AP4E1: variants seen among roughly 807,000 people sequenced by gnomAD.
AP4E1 encodes the protein adaptor related protein complex 4 subunit epsilon 1.
In AP4E1, 56 loss-of-function variants were observed where a neutral mutation model predicts 128.2. The ratio of observed to expected loss-of-function variants is 0.44; its 90% CI spans 0.35 to 0.55. AP4E1 has a LOEUF of 0.55. Ranked by LOEUF, AP4E1 falls within the 20% of genes least tolerant of loss-of-function variation. The probability of loss-of-function intolerance (pLI) is 0.00; values close to 1 mark genes in which losing one functional copy is unlikely to be tolerated. For synonymous variants in AP4E1, 484 were observed against 473.1 expected, an observed-to-expected ratio of 1.02 and a Z score of -0.30; for missense variants, 1,324 against 1,307.7, an observed-to-expected ratio of 1.01 and a Z score of -0.19.
intron 15 of AP4E1, among the ~76,000 whole-genome samples, chr15:50,973,999 T>C (rs2064518007): frequency 1.3e-5 from 2 of 152,218 alleles, no homozygotes; most frequent in African/African-American, 4.8e-5. Flanking sequence ...AGAATCTTGC[T>C]CTGTCGCCTA....
chr15:51,000,375 A>G (rs1376108252), intron 19 of AP4E1, among the ~76,000 whole-genome samples: 1 of 152,112 alleles, frequency 6.6e-6, no homozygotes, highest in Non-Finnish European at 1.5e-5. Context: ...TGTTGGGCTC[A>G]AGCGATCTGT....
At chr15:50,912,209 A>G in intron 2 of AP4E1, 60 bp downstream of exon 2, 1 of 1,390,816 alleles carries the variant, frequency 7.2e-7, no homozygotes, top group South Asian at 1.2e-5. Flanking sequence ...CTGTGGACTC[A>G]ATAGTGGCAT....
chr15:50,948,430 C>T (rs1463392873), intron 11 of AP4E1, among the ~76,000 whole-genome samples: 1 of 147,974 alleles, frequency 6.8e-6, no homozygotes, highest in Non-Finnish European at 1.5e-5. Context: ...TCTTTTTCCT[C>T]TTTCAGTCCT....
chr15:50,997,586 T>C lies in AP4E1; in HGVS notation c.2607T>C (p.Tyr869=). ...TGCCCTTGGTTGAGAAATTCTCATA[T>C]TGTAGTCTGTCTACACCTTCATTGT... is the stretch of plus-strand genomic sequence containing the variant. ...TELPLVEKFS[Y]CSLSTPSLFA... The change falls in exon 18 of 21, where the codon TAT becomes TAC. Residue 869 remains tyrosine, a synonymous_variant. Transcript: ENST00000261842. 2 of 1,614,086 alleles carry C rather than the reference T, an allele frequency of 1.2e-6. No homozygotes were observed. The highest frequency in any genetic ancestry group is 1.7e-6 in the Non-Finnish European group (2 of 1,179,980).
intron 2 of AP4E1, 116 bp from the exon 3 acceptor site, chr15:50,915,332 A>G: frequency 9.4e-7 from 1 of 1,061,310 alleles, no homozygotes; most frequent in South Asian, 1.4e-5. Flanking sequence ...TGTAATATAT[A>G]TGTTATTTCT....
rs199814285 is a variant in AP4E1 at position 50,915,752 on chromosome 15, T to G, written c.346+181T>G. On this transcript the variant is annotated intron_variant, in intron 3 of 20. Coordinates refer to ENST00000261842, the MANE Select transcript of AP4E1 (RefSeq NM_007347.5). Reference sequence around the variant, plus strand: ...ATTTATAGGAAATCAGTTTTCCTGATGCATAGCATTTTGGAGTTAAAGAGA... The same window carrying G: ...ATTTATAGGAAATCAGTTTTCCTGAGGCATAGCATTTTGGAGTTAAAGAGA... 39 of 705,924 alleles carry G rather than the reference T, an allele frequency of 5.5e-5. No individual in the cohort carries two copies. The East Asian group carries it at 1.1e-3, about 20-fold the overall frequency. 43.7% of individuals were successfully genotyped at this position (705,924 alleles called of 1,614,324 possible). A position where few individuals can be genotyped will look rare whatever the true frequency, so the allele number is the denominator to read the frequency against.
intron 1 of AP4E1, 24 bp downstream of exon 1, chr15:50,908,952 C>T (rs1403727134): frequency 6.2e-7 from 1 of 1,609,648 alleles, no homozygotes; most frequent in Non-Finnish European, 8.5e-7. Context: ...GGCCCGGGAG[C>T]TCAGGGACAT....
chr15:50,991,456 G>A (rs1317004167), intron 16 of AP4E1, among the ~76,000 whole-genome samples: 2 of 152,118 alleles, frequency 1.3e-5, no homozygotes, highest in Non-Finnish European at 2.9e-5. Flanking sequence ...TCTAGAAATG[G>A]TAGGAGTTAT....
In AP4E1 at chr15:50,949,816, C is replaced by CATA; in HGVS notation, c.1317-10_1317-9insATA. ...TTTGGAAGTGTACTTGTTCTTAACA[C>CATA]TGTGGACACATATGCTCCTGATAAT... On this transcript the variant is annotated splice_polypyrimidine_tract_variant and intron_variant, in intron 11 of 20. Transcript: ENST00000261842. The CATA allele has an allele frequency of 1.3e-6, 2 of 1,589,198 alleles. No homozygotes were observed. Among genetic ancestry groups the CATA allele is most frequent in the Non-Finnish European group, 1.7e-6 (2 of 1,157,528 alleles).
chr15:50,918,190 A>G (rs1009515997), intron 3 of AP4E1: 1 of 152,266 alleles, frequency 6.6e-6, no homozygotes, highest in Non-Finnish European at 1.5e-5. Flanking sequence ...AGGCATACAA[A>G]TGACCATGGG....
chr15:50,983,975 T>C (rs1314150289), intron 15 of AP4E1, 47 bp from the exon 16 acceptor site: 1 of 1,592,940 alleles, frequency 6.3e-7, no homozygotes, highest in Admixed American at 1.7e-5. Context: ...TGACAGTTTT[T>C]TGCTTTGTTT....
chr15:50,908,727 C>A lies in AP4E1; in HGVS notation c.-52C>A. ...CCGGCAGCGGCGGCCGGGCATGAAGCCGGGCGGCTACGGGATCGCGGGCGG... is the reference window on the plus strand; with the variant it reads ...CCGGCAGCGGCGGCCGGGCATGAAGACGGGCGGCTACGGGATCGCGGGCGG... On this transcript the variant is annotated 5_prime_UTR_variant, in exon 1 of 21. Coordinates refer to ENST00000261842, the MANE Select transcript of AP4E1 (RefSeq NM_007347.5). The A allele has an allele frequency of 6.8e-7, 1 of 1,461,548 alleles. No individual in the cohort carries two copies. The highest frequency in any genetic ancestry group is 9.1e-7 in the Non-Finnish European group (1 of 1,103,862). 90.5% of individuals were successfully genotyped at this position (1,461,548 alleles called of 1,614,324 possible).
intron 5 of AP4E1, among the ~76,000 whole-genome samples, chr15:50,926,195 T>G (rs2063767803): frequency 6.6e-6 from 1 of 152,106 alleles, no homozygotes; most frequent in Non-Finnish European, 1.5e-5. Flanking sequence ...TGGAGTGCGG[T>G]GGAGTGATCT....
intron 10 of AP4E1, among the ~76,000 whole-genome samples, chr15:50,942,398 A>G (rs9944192): frequency 0.17 from 26,074 of 152,044 alleles, 2,475 homozygotes; most frequent in African/African-American, 0.23. Flanking sequence ...AGGTCTTCCT[A>G]TTAGTACAAT....
chr15:50,954,461 T>C (rs2064189962), intron 13 of AP4E1, among the ~76,000 whole-genome samples: 1 of 151,588 alleles, frequency 6.6e-6, no homozygotes, highest in Non-Finnish European at 1.5e-5. Context: ...GTTCAGTTTG[T>C]TGTTGTTGTT....
At chr15:50,951,867 C>T (rs568793730) in intron 13 of AP4E1, among the ~76,000 whole-genome samples, 2 of 151,816 alleles carry the variant, frequency 1.3e-5, no homozygotes, top group Admixed American at 6.6e-5. Context: ...GCTGGGATTA[C>T]AGGCACACGC....
At chr15:50,958,092 C>G (rs1343410495) in intron 13 of AP4E1, among the ~76,000 whole-genome samples, 1 of 151,974 alleles carries the variant, frequency 6.6e-6, no homozygotes, top group Non-Finnish European at 1.5e-5. Context: ...GGGGTGGAGC[C>G]TAGAAATCTG....
intron 14 of AP4E1, among the ~76,000 whole-genome samples, chr15:50,964,403 C>T (rs1448547702): frequency 3.4e-5 from 5 of 146,622 alleles, no homozygotes; most frequent in East Asian, 4.0e-4. Flanking sequence ...TTTTGTTTAT[C>T]TGTGTTCTCT....
intron 8 of AP4E1, among the ~76,000 whole-genome samples, chr15:50,937,826 G>C (rs115584492): frequency 0.011 from 1,689 of 152,278 alleles, 29 homozygotes; most frequent in African/African-American, 0.039. Flanking sequence ...ATAATTTATG[G>C]TGGGGAGCAG....
Sources: allele counts gnomAD v4.1 joint callset (sites outside exome capture counted in the v4.1 genomes callset), GRCh38; gene constraint gnomAD v4.1.1; transcripts MANE v1.5; gene names NCBI Gene and HGNC (gene_info 2026-07-23, HGNC 2026-07-21).